The following CPLX2 variants were observed in gnomAD, a reference collection of about 807,000 sequenced individuals.
The protein encoded by CPLX2 is complexin 2.
In CPLX2, 5 loss-of-function variants were observed where a neutral mutation model predicts 16.3. That is an observed-to-expected ratio of 0.31 (90% CI 0.16 to 0.64). CPLX2 has a LOEUF of 0.64. Among genes scored for constraint, CPLX2 ranks in the 30% least tolerant of loss-of-function variants. The probability of loss-of-function intolerance (pLI) is 0.79; values close to 1 mark genes in which losing one functional copy is unlikely to be tolerated. For synonymous variants in CPLX2, 89 were observed against 73.2 expected (o/e 1.22, Z -1.10); for missense variants, 144 against 181.4 (o/e 0.79, Z 1.18).
At position 175,849,708 on chromosome 5, in the gene CPLX2, C is replaced by T. The variant is rs1759114783; in HGVS notation, c.-88-28944C>T. On this transcript the variant is annotated intron_variant, in intron 2 of 4. Coordinates refer to the CPLX2 transcript ENST00000359546. This position sits in a 1 kb window ranked among gnomAD's most constrained non-coding sequence, Gnocchi z 4.4. ...AGCCGGGCTTTGGAGCTGGACTCAC[C>T]TGAGCCTCTCGGTGTTATAGCTCCC... Among the ~76,000 whole-genome samples the T allele has an allele frequency of 3.3e-5, 5 of 152,164 alleles. No homozygotes were observed. In the South Asian group the frequency reaches 8.4e-4, roughly 25 times the overall value.
At chr5:175,875,314 C>T (rs1759731372) in intron 1 of CPLX2, among the ~76,000 whole-genome samples, 1 of 152,022 alleles carries the variant, frequency 6.6e-6, no homozygotes, top group Non-Finnish European at 1.5e-5. Flanking sequence ...TGGTGAGGTA[C>T]AAAGAGAGGG....
intron 1 of CPLX2, among the ~76,000 whole-genome samples, chr5:175,873,889 G>A (rs61373073): frequency 0.066 from 9,985 of 152,262 alleles, 506 homozygotes; most frequent in East Asian, 0.15. Flanking sequence ...GATTTGAACT[G>A]GCAGAGATGA....
chr5:175,805,929 C>T (rs556373005), intron 1 of CPLX2, among the ~76,000 whole-genome samples: 99 of 152,356 alleles, frequency 6.5e-4, no homozygotes, highest in African/African-American at 2.2e-3. Context: ...CTCAGCTCCA[C>T]ACCTCATCAA....
intron 2 of CPLX2, among the ~76,000 whole-genome samples, chr5:175,828,008 C>CA: frequency 6.6e-6 from 1 of 152,092 alleles, no homozygotes; most frequent in African/African-American, 2.4e-5. Context: ...ACTTACTCTC[C>CA]AAAAAATACA....
At chr5:175,852,220 C>G (rs991494626) in intron 2 of CPLX2, among the ~76,000 whole-genome samples, 1 of 152,192 alleles carries the variant, frequency 6.6e-6, no homozygotes, top group African/African-American at 2.4e-5. Context: ...AAAAATAAGT[C>G]CTCACAGGAA....
At chr5:175,837,775 G>A (rs146274587) in intron 2 of CPLX2, 26 of 152,302 alleles carry the variant, frequency 1.7e-4, no homozygotes, top group African/African-American at 5.8e-4. Flanking sequence ...TCTGAGCCTT[G>A]GTTTCCGTAT....
At chr5:175,868,658 G>A (rs1367858228), upstream of CPLX2, among the ~76,000 whole-genome samples, 1 of 151,868 alleles carries the variant, frequency 6.6e-6, no homozygotes, top group Non-Finnish European at 1.5e-5. Flanking sequence ...CAACCCACAT[G>A]ACATGAGGAC....
intron 1 of CPLX2, among the ~76,000 whole-genome samples, chr5:175,877,886 G>T (rs1206579401): frequency 6.6e-6 from 1 of 152,208 alleles, no homozygotes; most frequent in Non-Finnish European, 1.5e-5. Flanking sequence ...AGGAAGAGGA[G>T]TAGGGTGCTA....
chr5:175,814,863 A>G (rs565625567), intron 2 of CPLX2, among the ~76,000 whole-genome samples: 12 of 152,266 alleles, frequency 7.9e-5, no homozygotes, highest in African/African-American at 2.9e-4. Context: ...CTCATGAGTC[A>G]CAGCCCCAGG....
At chr5:175,855,613 T>C (rs942739147) in intron 2 of CPLX2, among the ~76,000 whole-genome samples, 1 of 152,174 alleles carries the variant, frequency 6.6e-6, no homozygotes, top group Admixed American at 6.5e-5. Context: ...TGGCTTTCCT[T>C]TGCGGCAGGC....
chr5:175,866,889 A>G (rs147187358), upstream of CPLX2, among the ~76,000 whole-genome samples: 2 of 152,280 alleles, frequency 1.3e-5, no homozygotes, highest in East Asian at 1.9e-4. Context: ...CCTGGGCAAC[A>G]TAGTGAGAAC....
At chr5:175,799,025 A>G (rs770874056) in intron 1 of CPLX2, among the ~76,000 whole-genome samples, 3 of 152,258 alleles carry the variant, frequency 2.0e-5, no homozygotes, top group Admixed American at 6.5e-5. Context: ...GAATGTTTTG[A>G]GAAGCCACAC....
upstream of CPLX2, among the ~76,000 whole-genome samples, chr5:175,869,888 G>A (rs1248091739): frequency 6.6e-6 from 1 of 152,174 alleles, no homozygotes; most frequent in Non-Finnish European, 1.5e-5. Context: ...CATGTCAAAA[G>A]CAATACCAGT....
At chr5:175,800,468 AG>A (rs1337649241) in intron 1 of CPLX2, among the ~76,000 whole-genome samples, 2 of 143,556 alleles carry the variant, frequency 1.4e-5, no homozygotes, top group Non-Finnish European at 3.0e-5. Flanking sequence ...CTGGGCAACA[AG>A]GCAAGACTCT....
At chr5:175,811,248 C>G (rs1354452424) in intron 2 of CPLX2, among the ~76,000 whole-genome samples, 1 of 152,168 alleles carries the variant, frequency 6.6e-6, no homozygotes, top group Non-Finnish European at 1.5e-5. Context: ...AGTCATACTA[C>G]CCAGGAAGGG....
chr5:175,869,546 G>A (rs891304949), upstream of CPLX2, among the ~76,000 whole-genome samples: 2 of 152,076 alleles, frequency 1.3e-5, no homozygotes, highest in Non-Finnish European at 2.9e-5. Flanking sequence ...CTACTCTTCC[G>A]CTACAACAGT....
chr5:175,877,536 C>T (rs902614430), intron 1 of CPLX2, among the ~76,000 whole-genome samples: 1 of 152,210 alleles, frequency 6.6e-6, no homozygotes, highest in South Asian at 2.1e-4. Context: ...CAGGCCTGGC[C>T]TCAGCTTACC....
chr5:175,800,119 C>T (rs1758066701), intron 1 of CPLX2, among the ~76,000 whole-genome samples: 3 of 152,084 alleles, frequency 2.0e-5, no homozygotes, highest in Admixed American at 1.3e-4. Flanking sequence ...TGGAAGGACT[C>T]AGAGCTCTTG....
intron 1 of CPLX2, among the ~76,000 whole-genome samples, chr5:175,801,843 C>G (rs985131846): frequency 2.0e-5 from 3 of 152,134 alleles, no homozygotes; most frequent in African/African-American, 7.2e-5. Context: ...GAATCCCAGA[C>G]CAGAGATGCC....
Sources: allele counts gnomAD v4.1 joint callset (sites outside exome capture counted in the v4.1 genomes callset), GRCh38; gene constraint gnomAD v4.1.1; non-coding constraint Gnocchi (gnomAD v3.1); transcripts MANE v1.5; gene names NCBI Gene and HGNC (gene_info 2026-07-23, HGNC 2026-07-21).